P4HA1: variants seen among roughly 807,000 people sequenced by gnomAD.
The protein encoded by P4HA1 is prolyl 4-hydroxylase subunit alpha-1.
Under a neutral mutation model 72.8 loss-of-function variants are expected in P4HA1, and 24 were observed. The observed-to-expected ratio is 0.33, with a 90% confidence interval of 0.24 to 0.46. The LOEUF (loss-of-function observed/expected upper bound fraction) is 0.46. Ranked by LOEUF, P4HA1 falls within the 20% of genes least tolerant of loss-of-function variation. P4HA1 has a pLI of 1.00. For synonymous variants in P4HA1, 201 were observed against 218.8 expected, an observed-to-expected ratio of 0.92 and a Z score of 0.72; for missense variants, 446 against 640.6, an observed-to-expected ratio of 0.70 and a Z score of 3.28.
chr10:73,089,932 C>G (rs572133547), intron 1 of P4HA1, among the ~76,000 whole-genome samples: 44 of 152,250 alleles, frequency 2.9e-4, no homozygotes, highest in African/African-American at 1.1e-3. Flanking sequence ...AATCTCCAGG[C>G]TTTGGGTGAG....
In P4HA1 at chr10:73,008,009, C is replaced by CT; in HGVS notation, c.*212dup. On this transcript the variant is annotated 3_prime_UTR_variant, in exon 15 of 15. Coordinates refer to ENST00000394890, the MANE Select transcript of P4HA1 (RefSeq NM_001017962.3). ...CTTGTCTTCTGTGATACCAACAGAA[C>CT]TTTAAGGTTTTATGCAATATGATGA... 1 of 289,928 alleles carries CT rather than the reference C, an allele frequency of 3.4e-6. No individual in the cohort carries two copies. The highest frequency in any genetic ancestry group is 5.7e-6 in the Non-Finnish European group (1 of 175,586). 18.0% of individuals were successfully genotyped at this position (289,928 alleles called of 1,614,324 possible).
chr10:73,057,216 C>T (rs1400882457), intron 5 of P4HA1, among the ~76,000 whole-genome samples: 7 of 150,676 alleles, frequency 4.6e-5, no homozygotes, highest in African/African-American at 1.5e-4. Flanking sequence ...CAAGGCCGGG[C>T]GCGGTGGCTC....
At chr10:73,055,567 TG>T (rs1199191659) in intron 5 of P4HA1, among the ~76,000 whole-genome samples, 1 of 152,220 alleles carries the variant, frequency 6.6e-6, no homozygotes, top group African/African-American at 2.4e-5. Flanking sequence ...ACTCTCTTGA[TG>T]GTGCACTTTT....
intron 10 of P4HA1, among the ~76,000 whole-genome samples, chr10:73,018,879 C>G (rs1434572801): frequency 6.6e-6 from 1 of 152,004 alleles, no homozygotes; most frequent in African/African-American, 2.4e-5. Context: ...TATAGGCAAC[C>G]TACATCCAAC....
At chr10:73,080,694 G>A (rs1036290859) in intron 1 of P4HA1, among the ~76,000 whole-genome samples, 8 of 152,038 alleles carry the variant, frequency 5.3e-5, no homozygotes, top group East Asian at 1.9e-4. Context: ...AGGCAGAAGC[G>A]GGCAGGCAGA....
intron 9 of P4HA1, among the ~76,000 whole-genome samples, chr10:73,037,571 A>ATATTT (rs1238501206): frequency 1.6e-4 from 5 of 30,612 alleles, no homozygotes; most frequent in African/African-American, 2.5e-4. Context: ...ATATATATAT[A>ATATTT]TTTTTTTTTT....
chr10:73,027,855 GGGGAGGGAGGGAGAGAGGGA>G (rs1554838624), intron 10 of P4HA1, among the ~76,000 whole-genome samples: 1 of 125,438 alleles, frequency 8.0e-6, no homozygotes, highest in Non-Finnish European at 1.7e-5. Flanking sequence ...GGAGAGAGGA[GGGGAGGGAGGGAGAGAGGGA>G]GGGAGGGAGG....
At chr10:73,083,201 G>GT (rs1295322959) in intron 1 of P4HA1, among the ~76,000 whole-genome samples, 1 of 152,134 alleles carries the variant, frequency 6.6e-6, no homozygotes, top group Non-Finnish European at 1.5e-5. Context: ...AATTGCCATT[G>GT]TTTTTACTTA....
At chr10:73,016,972 A>G (rs910506921) in intron 10 of P4HA1, 73 bp from the exon 11 acceptor site, 8 of 1,166,824 alleles carry the variant, frequency 6.9e-6, no homozygotes, top group Non-Finnish European at 1.0e-5. Context: ...TATGAACCTC[A>G]TTTTTTGGAC....
chr10:73,032,605 C>T (rs1218133366), intron 9 of P4HA1, among the ~76,000 whole-genome samples: 1 of 152,208 alleles, frequency 6.6e-6, no homozygotes, highest in Non-Finnish European at 1.5e-5. Context: ...TCCTCTAGGC[C>T]TAAGGCTAGT....
At chr10:73,017,168 G>T (rs1385654005) in intron 10 of P4HA1, among the ~76,000 whole-genome samples, 1 of 133,512 alleles carries the variant, frequency 7.5e-6, no homozygotes, top group Non-Finnish European at 1.5e-5. Flanking sequence ...TATATCTACA[G>T]ATGTATATAT....
chr10:73,089,620 A>G (rs1841988170), intron 1 of P4HA1, among the ~76,000 whole-genome samples: 1 of 152,120 alleles, frequency 6.6e-6, no homozygotes, highest in African/African-American at 2.4e-5. Context: ...TATTCATAAA[A>G]TAAAATACTA....
chr10:73,008,787 T>C (rs1326109574), intron 14 of P4HA1, among the ~76,000 whole-genome samples: 1 of 152,086 alleles, frequency 6.6e-6, no homozygotes, highest in Non-Finnish European at 1.5e-5. Context: ...AAAAAATGTA[T>C]ACCATGTAAA....
intron 1 of P4HA1, among the ~76,000 whole-genome samples, chr10:73,088,970 A>G (rs1275843777): frequency 6.6e-6 from 1 of 152,142 alleles, no homozygotes; most frequent in Non-Finnish European, 1.5e-5. Flanking sequence ...TAGCTTTTCT[A>G]GTTCCTTTGG....
intron 13 of P4HA1, among the ~76,000 whole-genome samples, chr10:73,010,524 G>C (rs1323453930): frequency 6.6e-6 from 1 of 152,018 alleles, no homozygotes; most frequent in Non-Finnish European, 1.5e-5. Flanking sequence ...CTAATTCCTG[G>C]TCATTCATTA....
chr10:73,095,720 C>A (rs948705272), intron 1 of P4HA1, among the ~76,000 whole-genome samples: 1 of 152,048 alleles, frequency 6.6e-6, no homozygotes, highest in African/African-American at 2.4e-5. Context: ...TAGATCAATT[C>A]CTAAAAGAGG....
intron 1 of P4HA1, among the ~76,000 whole-genome samples, chr10:73,094,442 T>C (rs1356456501): frequency 9.2e-5 from 14 of 152,162 alleles, no homozygotes; most frequent in Admixed American, 7.9e-4. Flanking sequence ...TAGGGTGTAT[T>C]TGCATTTTCT....
At chr10:73,079,902 C>T (rs1342320492) in intron 1 of P4HA1, among the ~76,000 whole-genome samples, 2 of 152,174 alleles carry the variant, frequency 1.3e-5, no homozygotes, top group African/African-American at 4.8e-5. Flanking sequence ...CAATCATTGA[C>T]TTTCATTCTC....
intron 5 of P4HA1, among the ~76,000 whole-genome samples, chr10:73,062,155 A>G (rs1463500767): frequency 2.0e-5 from 3 of 152,242 alleles, no homozygotes; most frequent in Non-Finnish European, 2.9e-5. Context: ...TGGAAGGAGT[A>G]GATAAACCAA....
Sources: allele counts gnomAD v4.1 joint callset (sites outside exome capture counted in the v4.1 genomes callset), GRCh38; gene constraint gnomAD v4.1.1; transcripts MANE v1.5; gene names NCBI Gene and HGNC (gene_info 2026-07-23, HGNC 2026-07-21).